GPRC6A: variants seen among roughly 807,000 people sequenced by gnomAD.
GPRC6A encodes G protein-coupled receptor family C group 6 member A.
A neutral mutation model predicts 47.0 loss-of-function variants in GPRC6A; 54 were observed. That is an observed-to-expected ratio of 1.15 (90% CI 0.92 to 1.44). The LOEUF is 1.44. GPRC6A is among the 40% of genes most tolerant of loss of function. The probability of loss-of-function intolerance (pLI) is 0.00; values close to 1 mark genes in which losing one functional copy is unlikely to be tolerated. For missense variants in GPRC6A, 1,112 were observed against 1,105.5 expected (o/e 1.01, Z -0.08); for synonymous variants, 347 against 377.1 (o/e 0.92, Z 0.93).
intron 2 of GPRC6A, among the ~76,000 whole-genome samples, chr6:116,808,652 C>G (rs1206059708): frequency 6.6e-6 from 1 of 152,094 alleles, no homozygotes; most frequent in African/African-American, 2.4e-5. Context: ...ATGGTCATTT[C>G]TTTATCATCT....
intron 4 of GPRC6A, 51 bp downstream of exon 4, chr6:116,800,533 T>C (rs1276804254): frequency 1.0e-5 from 12 of 1,149,032 alleles, no homozygotes; most frequent in Non-Finnish European, 1.6e-5. Flanking sequence ...ACTTTTGCAG[T>C]TGAGGTACCA....
At chr6:116,802,195 T>C (rs1772696105) in intron 3 of GPRC6A, among the ~76,000 whole-genome samples, 1 of 152,200 alleles carries the variant, frequency 6.6e-6, no homozygotes, top group Non-Finnish European at 1.5e-5. Context: ...TCCACAATTT[T>C]ATGCTTGCTC....
chr6:116,819,506 A>G (rs375812481), intron 1 of GPRC6A, among the ~76,000 whole-genome samples: 1 of 152,120 alleles, frequency 6.6e-6, no homozygotes, highest in African/African-American at 2.4e-5. Flanking sequence ...ATAACAAACT[A>G]TCTCTCAGAC....
intron 3 of GPRC6A, among the ~76,000 whole-genome samples, chr6:116,803,164 C>T (rs1389062665): frequency 6.6e-6 from 1 of 152,028 alleles, no homozygotes; most frequent in Non-Finnish European, 1.5e-5. Context: ...TTTTGATGCT[C>T]TCTGTCATCA....
At chr6:116,797,245 T>G (rs938954471) in intron 4 of GPRC6A, among the ~76,000 whole-genome samples, 10 of 152,132 alleles carry the variant, frequency 6.6e-5, no homozygotes, top group Non-Finnish European at 1.0e-4. Flanking sequence ...AGTATTCCAT[T>G]GTGTATATGT....
At chr6:116,815,699 T>A (rs1443932763) in intron 1 of GPRC6A, among the ~76,000 whole-genome samples, 2 of 151,932 alleles carry the variant, frequency 1.3e-5, no homozygotes, top group African/African-American at 4.8e-5. Context: ...AAATTAGAAA[T>A]AACAACAAGA....
intron 1 of GPRC6A, among the ~76,000 whole-genome samples, chr6:116,824,809 A>G (rs547361156): frequency 3.3e-5 from 5 of 152,148 alleles, no homozygotes; most frequent in Non-Finnish European, 7.4e-5. Flanking sequence ...CCATAGACCA[A>G]TATCTCTGAT....
chr6:116,798,721 A>G (rs2114582939), intron 4 of GPRC6A, among the ~76,000 whole-genome samples: 1 of 152,070 alleles, frequency 6.6e-6, no homozygotes, highest in Middle Eastern at 3.4e-3. Flanking sequence ...CGTCTCTACT[A>G]AAAATACAAA....
chr6:116,796,415 A>G (rs901732552), intron 4 of GPRC6A, among the ~76,000 whole-genome samples: 2 of 152,196 alleles, frequency 1.3e-5, no homozygotes, highest in Non-Finnish European at 2.9e-5. Flanking sequence ...TCAAGTTATA[A>G]TTTGCATGTC....
At chr6:116,815,213 T>C (rs1183559846) in intron 1 of GPRC6A, among the ~76,000 whole-genome samples, 1 of 152,152 alleles carries the variant, frequency 6.6e-6, no homozygotes, top group Admixed American at 6.5e-5. Context: ...CCAGGCATGG[T>C]AGCTCACCCC....
At chr6:116,808,040 G>A (rs1772910645) in intron 2 of GPRC6A, among the ~76,000 whole-genome samples, 1 of 151,122 alleles carries the variant, frequency 6.6e-6, no homozygotes. Flanking sequence ...GTGGTGTGAT[G>A]GAAAGACAAT....
rs200340807 is a variant in GPRC6A, at chr6:116,806,922, T to C, written c.783A>G (p.Thr261=). Residue 261 remains threonine (T), a synonymous_variant, in exon 3 of 6, where the codon ACA becomes ACG. Coordinates refer to ENST00000310357, the MANE Select transcript of GPRC6A (RefSeq NM_148963.4). ...GGGCTTCTAAAATGATTTTCTTCAG[T>C]GTCCGATTGATTCTGACTTCAATGG... The part of the protein sequence containing the change: ...DNTIEVRINR[T]LKKIILEAQV... 141 of 1,613,614 alleles carry C rather than the reference T, an allele frequency of 8.7e-5. No individual in the cohort carries two copies. The highest frequency in any genetic ancestry group is 1.2e-4 in the Non-Finnish European group (136 of 1,179,784).
rs150641887 is a variant in GPRC6A at position 116,792,679 on chromosome 6, G to A, written c.2244C>T (p.Ser748=). 2.4e-4 allele frequency: 387 copies of A among 1,613,408 alleles called. 1 individual carries two copies. The African/African-American group carries it at 4.4e-3, about 18-fold the overall frequency. ...CCAGCATGGTGCCAAATGCAAGTAT[G>A]GATCCCTCCTCACACTCCAGGATGA... The part of the protein sequence containing the change: ...RVIILECEEG[S]ILAFGTMLGY... The change falls in exon 6 of 6, where the codon TCC becomes TCT. Residue 748 remains serine (S), a synonymous_variant. Coordinates refer to ENST00000310357, the MANE Select transcript of GPRC6A (RefSeq NM_148963.4).
chr6:116,828,692 A>T lies in GPRC6A; in HGVS notation c.194+128T>A, dbSNP rs898868266. ...AAAGAAGGATTGCAAGATTAACCAT[A>T]TGCAACTTAAAAATACATATGAGTT... On this transcript the variant is annotated intron_variant, in intron 1 of 5. Coordinates refer to ENST00000310357, the MANE Select transcript of GPRC6A (RefSeq NM_148963.4). 2.0e-5 allele frequency: 15 copies of T among 739,886 alleles called. No individual in the cohort carries two copies. The Admixed American group carries it at 4.8e-4, about 23-fold the overall frequency. 45.8% of individuals were successfully genotyped at this position (739,886 alleles called of 1,614,324 possible).
intron 1 of GPRC6A, among the ~76,000 whole-genome samples, chr6:116,819,922 T>A (rs1195263786): frequency 6.7e-6 from 1 of 149,478 alleles, no homozygotes; most frequent in Non-Finnish European, 1.5e-5. Context: ...ATCCAGGAGC[T>A]GGTTTTTTGA....
Position 116,796,759 on chromosome 6 carries a change from T to G in GPRC6A, c.1549-924A>C, listed in dbSNP as rs78201597. ...TGCAAGCACTGGTTTTCTTCTTCTC[T>G]CCAGTTATTGCTGACCTGGGTTTTC... On this transcript the variant is annotated intron_variant, in intron 4 of 5. Coordinates refer to ENST00000310357, the MANE Select transcript of GPRC6A (RefSeq NM_148963.4). Among the ~76,000 whole-genome samples, 768 of 152,288 alleles carry G rather than the reference T, an allele frequency of 5.0e-3. 9 individuals carry two copies. The highest frequency in any genetic ancestry group is 0.017 in the African/African-American group (691 of 41,572).
rs1772340764 is a variant in GPRC6A at position 116,792,568 on chromosome 6, T to A, written c.2355A>T (p.Thr785=). ...CTATGAAGTAAATGAGCATGCCAAA[T>A]GTAATGAATTTGGCTTCATTGTAAT... ...YENYNEAKFI[T]FGMLIYFIAW... Residue 785 remains threonine (T), a synonymous_variant, in exon 6 of 6, where the codon ACA becomes ACT. Transcript: ENST00000310357. The A allele has an allele frequency of 7.4e-6, 12 of 1,611,642 alleles. No homozygotes were observed. The East Asian group carries it at 2.7e-4, about 36-fold the overall frequency.
intron 1 of GPRC6A, among the ~76,000 whole-genome samples, chr6:116,820,321 C>T (rs1307290803): frequency 1.3e-5 from 2 of 152,068 alleles, no homozygotes; most frequent in Non-Finnish European, 2.9e-5. Flanking sequence ...CTATTCCGAT[C>T]AATAGAAAAA....
chr6:116,803,596 T>C (rs1772744865), intron 3 of GPRC6A, among the ~76,000 whole-genome samples: 2 of 152,230 alleles, frequency 1.3e-5, no homozygotes, highest in South Asian at 4.1e-4. Context: ...TGAGATGCCC[T>C]GATGGACAAG....
Sources: allele counts gnomAD v4.1 joint callset (sites outside exome capture counted in the v4.1 genomes callset), GRCh38; gene constraint gnomAD v4.1.1; transcripts MANE v1.5; gene names NCBI Gene and HGNC (gene_info 2026-07-23, HGNC 2026-07-21).